The following SLIT3 variants were observed in gnomAD, a reference collection of about 807,000 sequenced individuals.
SLIT3 encodes slit homolog 3 protein.
SLIT3 carries 68 observed loss-of-function variants against 184.0 expected under a neutral mutation model. The ratio of observed to expected loss-of-function variants is 0.37; its 90% CI spans 0.30 to 0.45. SLIT3 has a LOEUF of 0.45. SLIT3 is among the 20% of genes least tolerant of loss of function. SLIT3 has a pLI of 1.00. For missense variants in SLIT3, 1,707 were observed against 2,026.0 expected (o/e 0.84, Z 3.02); for synonymous variants, 831 against 828.6 (o/e 1.00, Z -0.05).
chr5:169,095,636 T>G (rs1759749806), intron 4 of SLIT3, among the ~76,000 whole-genome samples: 1 of 152,116 alleles, frequency 6.6e-6, no homozygotes. Flanking sequence ...TGTAACATTT[T>G]AAGTCCCTAG....
chr5:169,035,987 T>G (rs1400877537), intron 4 of SLIT3: 1 of 152,230 alleles, frequency 6.6e-6, no homozygotes, highest in East Asian at 1.9e-4. Context: ...ATTTTATTGA[T>G]GTGAAAATGA....
intron 4 of SLIT3, chr5:169,037,933 C>T (rs965866515): frequency 6.6e-6 from 1 of 152,254 alleles, no homozygotes; most frequent in African/African-American, 2.4e-5. Flanking sequence ...TGTTTAACAA[C>T]TTTGTATAAC....
intron 4 of SLIT3, among the ~76,000 whole-genome samples, chr5:168,931,807 C>T (rs1210624785): frequency 1.3e-5 from 2 of 152,186 alleles, no homozygotes; most frequent in Non-Finnish European, 2.9e-5. Flanking sequence ...GGAAGAACTG[C>T]CCGTGATATT....
Position 168,742,533 on chromosome 5 carries a change from G to A in SLIT3, c.2270+5769C>T, listed in dbSNP as rs1275460155. 1.8e-4 allele frequency among the ~76,000 whole-genome samples: 21 copies of A among 117,572 alleles called. 4 individuals carry two copies. Among genetic ancestry groups the A allele is most frequent in the African/African-American group, 7.2e-4 (20 of 27,894 alleles). 77.1% of individuals were successfully genotyped at this position (117,572 alleles called of 152,430 possible). On this transcript the variant is annotated intron_variant, in intron 20 of 35. Transcript: ENST00000519560. ...CCACGGCCTTTGAGACATACCAGCTGCACACTTTCAGGCTTCTACTCTATG... is the reference window on the plus strand; with the variant it reads ...CCACGGCCTTTGAGACATACCAGCTACACACTTTCAGGCTTCTACTCTATG...
At chr5:169,173,441 A>G (rs921803005) in intron 4 of SLIT3, among the ~76,000 whole-genome samples, 1 of 152,194 alleles carries the variant, frequency 6.6e-6, no homozygotes, top group African/African-American at 2.4e-5. Flanking sequence ...GGTGAAATCT[A>G]GAATTCCATC....
At chr5:168,994,292 G>A (rs62378624) in intron 4 of SLIT3, 5,351 of 152,296 alleles carry the variant, frequency 0.035, 118 homozygotes, top group Middle Eastern at 0.051. Context: ...CTCTCTCAGG[G>A]CTTTCTGGGG....
chr5:168,978,340 C>T (rs113773316), intron 4 of SLIT3, among the ~76,000 whole-genome samples: 6,328 of 152,316 alleles, frequency 0.042, 165 homozygotes, highest in Non-Finnish European at 0.057. Flanking sequence ...CAGCTCTCTA[C>T]GCTGCACTGG....
intron 31 of SLIT3, 55 bp from the exon 32 acceptor site, chr5:168,684,151 C>G (rs1178223146): frequency 5.5e-6 from 8 of 1,457,964 alleles, no homozygotes; most frequent in Non-Finnish European, 7.3e-6. Flanking sequence ...CTGAACCTTC[C>G]CTGCCCATCT....
chr5:168,787,444 C>T (rs1034079252), intron 11 of SLIT3, among the ~76,000 whole-genome samples: 1 of 152,224 alleles, frequency 6.6e-6, no homozygotes, highest in Non-Finnish European at 1.5e-5. Flanking sequence ...CCCTGTCTGG[C>T]TTCCCACCCC....
rs1757569429 is a variant in SLIT3, at chr5:169,044,767, G to C, written c.413+148712C>G. ...AAACTATATCTCAAGAAAAAAAGAA[G>C]GAAAAAAGAAAGGGCCAGGGTTGCT... On this transcript the variant is annotated intron_variant, in intron 4 of 35. Coordinates refer to ENST00000519560, the MANE Select transcript of SLIT3 (RefSeq NM_003062.4). Among the ~76,000 whole-genome samples, 2 of 152,176 alleles carry C rather than the reference G, an allele frequency of 1.3e-5. 1 individual carries two copies. The highest frequency in any genetic ancestry group is 4.8e-5 in the African/African-American group (2 of 41,526).
intron 4 of SLIT3, among the ~76,000 whole-genome samples, chr5:169,007,711 G>A (rs553629394): frequency 4.6e-5 from 7 of 152,262 alleles, no homozygotes; most frequent in South Asian, 4.1e-4. Flanking sequence ...TCTTAATAGC[G>A]TTTCTTCCCG....
intron 2 of SLIT3, among the ~76,000 whole-genome samples, chr5:169,246,764 C>G (rs988976370): frequency 2.0e-5 from 3 of 151,256 alleles, no homozygotes; most frequent in African/African-American, 7.3e-5. Context: ...ACTGAAAATA[C>G]AAAAATGAGC....
intron 4 of SLIT3, among the ~76,000 whole-genome samples, chr5:168,899,894 GTC>G (rs1341037256): frequency 6.6e-6 from 1 of 152,130 alleles, no homozygotes; most frequent in African/African-American, 2.4e-5. Flanking sequence ...TGTGTCTGTG[GTC>G]TCTCACCCTT....
intron 4 of SLIT3, among the ~76,000 whole-genome samples, chr5:169,073,330 C>T (rs996892546): frequency 2.0e-5 from 3 of 152,184 alleles, no homozygotes; most frequent in Non-Finnish European, 2.9e-5. Context: ...CTTGGATATA[C>T]AATAATCACA....
At chr5:169,271,549 G>A (rs1013458556) in intron 1 of SLIT3, among the ~76,000 whole-genome samples, 7 of 152,210 alleles carry the variant, frequency 4.6e-5, no homozygotes, top group African/African-American at 9.6e-5. Flanking sequence ...AGGGTTTCAG[G>A]AAGGAGGCAG....
chr5:169,292,939 G>C (rs912915401), intron 1 of SLIT3, among the ~76,000 whole-genome samples: 2 of 152,186 alleles, frequency 1.3e-5, no homozygotes. Context: ...GCTGTCCAAA[G>C]TGAAAAGGTT....
At chr5:169,245,314 G>T (rs924700543) in intron 2 of SLIT3, among the ~76,000 whole-genome samples, 1 of 151,990 alleles carries the variant, frequency 6.6e-6, no homozygotes. Context: ...AAAAGATCAG[G>T]CTCCCTCCCT....
chr5:169,032,368 C>CT (rs1757057708), intron 4 of SLIT3, among the ~76,000 whole-genome samples: 1 of 151,994 alleles, frequency 6.6e-6, no homozygotes, highest in Non-Finnish European at 1.5e-5. Flanking sequence ...ATAAATCTAC[C>CT]TTTTTTATGC....
intron 4 of SLIT3, among the ~76,000 whole-genome samples, chr5:169,137,857 C>T (rs1166138851): frequency 1.3e-5 from 2 of 152,156 alleles, no homozygotes; most frequent in Admixed American, 6.5e-5. Context: ...AGAGTCTGGT[C>T]TTGACCTGTG....
Sources: gnomAD v4.1 joint callset for allele counts (sites outside exome capture counted in the v4.1 genomes callset) on GRCh38, gnomAD v4.1.1 for gene constraint, MANE v1.5 for transcripts, NCBI Gene and HGNC (gene_info 2026-07-23, HGNC 2026-07-21) for gene names.